The following NAA25 variants were observed in gnomAD, a reference collection of about 807,000 sequenced individuals.
NAA25 encodes the protein N-alpha-acetyltransferase 25, NatB auxiliary subunit, also known as N-terminal acetyltransferase B complex subunit NAA25.
Under a neutral mutation model 132.5 loss-of-function variants are expected in NAA25, and 30 were observed. The observed-to-expected ratio is 0.23, with a 90% CI of 0.17 to 0.31. The LOEUF (loss-of-function observed/expected upper bound fraction) is 0.31. Ranked by LOEUF, NAA25 falls within the 10% of genes least tolerant of loss-of-function variation. The pLI is 1.00. For synonymous variants in NAA25, 359 were observed against 401.9 expected (o/e 0.89, Z 1.28); for missense variants, 771 against 1,150.4 (o/e 0.67, Z 4.77).
chr12:112,049,663 G>C lies in NAA25; in HGVS notation c.1729-1220C>G. ...CAAGAAAATTAAAAAGATTACTTGT[G>C]ATCCTGCAGGTTTCAAGAAGGACTA... On this transcript the variant is annotated intron_variant, in intron 15 of 23. Transcript: ENST00000261745. The surrounding 1 kb of genome is among the most constrained non-coding windows in gnomAD (Gnocchi z 4.7). The C allele has an allele frequency of 1.0e-6, 1 of 985,002 alleles. No individual in the cohort carries two copies. 61.0% of individuals were successfully genotyped at this position (985,002 alleles called of 1,614,324 possible).
At chr12:112,083,187 G>C (rs925833006) in intron 4 of NAA25, among the ~76,000 whole-genome samples, 9 of 152,156 alleles carry the variant, frequency 5.9e-5, no homozygotes, top group Non-Finnish European at 1.3e-4. Context: ...AACCTGGAAA[G>C]ATACAGCAGA....
At chr12:112,080,482 G>A (rs977942121) in intron 5 of NAA25, among the ~76,000 whole-genome samples, 3 of 151,712 alleles carry the variant, frequency 2.0e-5, no homozygotes, top group Non-Finnish European at 2.9e-5. Context: ...GACCAGCCTG[G>A]TCAAAAGAGT....
chr12:112,073,675 C>T (rs1356818023), intron 9 of NAA25, among the ~76,000 whole-genome samples: 3 of 152,068 alleles, frequency 2.0e-5, no homozygotes, highest in African/African-American at 4.8e-5. Context: ...CCTTGTGATC[C>T]GCCCGCCTCC....
intron 16 of NAA25, 82 bp from the exon 17 acceptor site, chr12:112,047,872 A>C: frequency 1.5e-6 from 2 of 1,366,830 alleles, no homozygotes; most frequent in South Asian, 2.9e-5. Flanking sequence ...CTGTTTTACT[A>C]GACAGGAAGG....
intron 10 of NAA25, among the ~76,000 whole-genome samples, chr12:112,069,362 G>A (rs1304765943): frequency 2.6e-5 from 4 of 151,912 alleles, no homozygotes; most frequent in Non-Finnish European, 5.9e-5. Flanking sequence ...AAATTAGCTG[G>A]GCGTGGCAGC....
intron 13 of NAA25, 53 bp from the exon 14 acceptor site, chr12:112,054,621 C>T: frequency 2.0e-6 from 3 of 1,521,650 alleles, no homozygotes; most frequent in Non-Finnish European, 2.7e-6. Context: ...ATGAAAGCTT[C>T]CCAAAAACAA....
chr12:112,043,466 G>C (rs2078330888), intron 18 of NAA25, among the ~76,000 whole-genome samples, 159 bp downstream of exon 18: 1 of 152,146 alleles, frequency 6.6e-6, no homozygotes, highest in Admixed American at 6.6e-5. Flanking sequence ...GGAAGCCTCT[G>C]CAATTCCCTC....
chr12:112,088,800 A>G (rs980628087), intron 3 of NAA25, among the ~76,000 whole-genome samples: 4 of 151,868 alleles, frequency 2.6e-5, no homozygotes, highest in African/African-American at 9.7e-5. Context: ...TTGCATTTTT[A>G]GTAGAGATGG....
At chr12:112,106,514 A>G (rs1183276166) in intron 1 of NAA25, among the ~76,000 whole-genome samples, 1 of 152,146 alleles carries the variant, frequency 6.6e-6, no homozygotes, top group Admixed American at 6.5e-5. Context: ...CCCTCTGAAA[A>G]TATACACTGG....
chr12:112,088,132 A>G (rs1410390014), intron 3 of NAA25, among the ~76,000 whole-genome samples: 1 of 152,116 alleles, frequency 6.6e-6, no homozygotes. Flanking sequence ...CTATGCCTCT[A>G]AACTCTTCGC....
At chr12:112,091,157 C>T (rs1189572680) in intron 2 of NAA25, among the ~76,000 whole-genome samples, 1 of 150,554 alleles carries the variant, frequency 6.6e-6, no homozygotes, top group African/African-American at 2.4e-5. Flanking sequence ...AGCTACTTGA[C>T]AGGTTGAGAT....
intron 10 of NAA25, among the ~76,000 whole-genome samples, chr12:112,070,670 T>C (rs1362870620): frequency 6.6e-6 from 1 of 152,102 alleles, no homozygotes; most frequent in Non-Finnish European, 1.5e-5. Context: ...CTCCATCTCT[T>C]GGTTCAAGCG....
intron 11 of NAA25, among the ~76,000 whole-genome samples, chr12:112,061,985 T>C (rs1386985725): frequency 6.6e-6 from 1 of 152,216 alleles, no homozygotes; most frequent in Non-Finnish European, 1.5e-5. Context: ...TTTTCATCCT[T>C]TAAATTTGGA....
intron 1 of NAA25, among the ~76,000 whole-genome samples, chr12:112,093,586 A>G (rs1167729657): frequency 6.6e-6 from 1 of 152,104 alleles, no homozygotes; most frequent in East Asian, 1.9e-4. Context: ...ACAAAATAAT[A>G]AAAACATCAT....
chr12:112,043,150 T>C lies in NAA25; in HGVS notation c.2312A>G (p.Gln771Arg), dbSNP rs1324935615. 6.2e-7 allele frequency: 1 copy of C among 1,613,578 alleles called. No individual in the cohort carries two copies. The highest frequency in any genetic ancestry group is 1.7e-5 in the Admixed American group (1 of 59,970). Residue 771 changes from glutamine (Q) to arginine (R), a missense_variant, in exon 19 of 24, where the codon CAG (glutamine) becomes CGG (arginine). Coordinates refer to ENST00000261745, the MANE Select transcript of NAA25 (RefSeq NM_024953.4). ...MGGFFNSGCS[Q>R]CQISSFYLVN... The stretch of plus-strand genomic sequence containing the variant: ...AAGATAAAAAGAGCTTATCTGGCAC[T>C]GAGAACAGCCAGAATTAAAGAATCC...
At chr12:112,058,004 AG>A (rs567390810) in intron 13 of NAA25, among the ~76,000 whole-genome samples, 234 of 152,268 alleles carry the variant, frequency 1.5e-3, no homozygotes, top group African/African-American at 5.5e-3. Flanking sequence ...AAAGTTAGCT[AG>A]GCATAGTGGC....
chr12:112,041,354 A>AT (rs2078299547), intron 20 of NAA25, among the ~76,000 whole-genome samples: 1 of 151,640 alleles, frequency 6.6e-6, no homozygotes, highest in Admixed American at 6.6e-5. Flanking sequence ...CACCCGGCTA[A>AT]TTTTTTTGTA....
In NAA25 at chr12:112,049,014, A is replaced by G. The variant is rs17696736; in HGVS notation, c.1729-571T>C. Among the ~76,000 whole-genome samples, 44,874 of 152,082 alleles carry G rather than the reference A, an allele frequency of 0.3. 9,161 individuals are homozygous for G. The highest frequency in any genetic ancestry group is 0.44 in the Non-Finnish European group (29,774 of 67,954). ...AAGTAAGACACCAAACAAAAGACCT[A>G]TCAAAATTCATGTCATAATCTATTC... On this transcript the variant is annotated intron_variant, in intron 15 of 23. Coordinates refer to ENST00000261745, the MANE Select transcript of NAA25 (RefSeq NM_024953.4). The surrounding 1 kb of genome is among the most constrained non-coding windows in gnomAD (Gnocchi z 4.7).
chr12:112,042,157 TA>T, intron 19 of NAA25, 53 bp from the exon 20 acceptor site: 1 of 950,708 alleles, frequency 1.1e-6, no homozygotes. Flanking sequence ...TTTAGTAAGA[TA>T]AAGAAGCAAG....
Sources: allele counts gnomAD v4.1 joint callset (sites outside exome capture counted in the v4.1 genomes callset), GRCh38; gene constraint gnomAD v4.1.1; non-coding constraint Gnocchi (gnomAD v3.1); transcripts MANE v1.5; gene names NCBI Gene and HGNC (gene_info 2026-07-23, HGNC 2026-07-21).